TPCN2: variants seen among roughly 807,000 people sequenced by gnomAD.
TPCN2 encodes the protein two pore segment channel 2, also known as two pore channel protein 2.
A neutral mutation model predicts 111.4 loss-of-function variants in TPCN2; 92 were observed. The observed-to-expected ratio is 0.83, with a 90% CI of 0.70 to 0.98. The LOEUF is 0.98. TPCN2 is among the 50% of genes least tolerant of loss of function. The pLI is 0.00. For synonymous variants in TPCN2, 405 were observed against 414.5 expected (o/e 0.98, Z 0.28); for missense variants, 995 against 980.1 (o/e 1.02, Z -0.20).
chr11:69,080,042 TG>T (rs1467587477), intron 17 of TPCN2, among the ~76,000 whole-genome samples, 159 bp downstream of exon 17: 1 of 152,180 alleles, frequency 6.6e-6, no homozygotes, highest in Non-Finnish European at 1.5e-5. Context: ...CAGCAGAGGC[TG>T]TGTCGGGGCA....
chr11:69,058,621 G>C (rs1167451614), intron 5 of TPCN2, among the ~76,000 whole-genome samples: 1 of 152,190 alleles, frequency 6.6e-6, no homozygotes, highest in East Asian at 1.9e-4. Context: ...GCAGGACCTG[G>C]TGGGGAGTAG....
intron 17 of TPCN2, among the ~76,000 whole-genome samples, chr11:69,080,573 G>A (rs913224811): frequency 6.6e-6 from 1 of 152,202 alleles, no homozygotes; most frequent in African/African-American, 2.4e-5. Flanking sequence ...TGCCAGCCTC[G>A]GCCCTGTGGT....
At chr11:69,087,852 T>G (rs1249696541) in intron 24 of TPCN2, 23 bp from the exon 25 acceptor site, 1 of 1,602,486 alleles carries the variant, frequency 6.2e-7, no homozygotes, top group East Asian at 2.2e-5. Flanking sequence ...GGCCCCTGTG[T>G]GCATCTTTCC....
rs369631026 is a variant in TPCN2 at position 69,078,997 on chromosome 11, G to A, written c.1516G>A (p.Gly506Arg). 14 of 1,613,002 alleles carry A rather than the reference G, an allele frequency of 8.7e-6. No individual in the cohort carries two copies. In the African/African-American group the frequency reaches 1.5e-4, roughly 17 times the overall value. ...YLSYPSNVFD[G>R]LLTVVLLVLE... ...GTCCTACCCCAGCAACGTGTTTGAC[G>A]GGCTCCTCACCGTTGTCCTGCTGGT... The change falls in exon 16 of 25, where the codon GGG becomes AGG. Residue 506 changes from glycine to arginine, a missense_variant. Coordinates refer to ENST00000294309, the MANE Select transcript of TPCN2 (RefSeq NM_139075.4).
chr11:69,083,702 C>T (rs961097925), intron 18 of TPCN2, among the ~76,000 whole-genome samples: 2 of 151,896 alleles, frequency 1.3e-5, no homozygotes, highest in East Asian at 1.9e-4. Context: ...TGTGCGAATG[C>T]GTGTGGGTAG....
In TPCN2 at chr11:69,089,916, G is replaced by A. The variant is rs1405262275; in HGVS notation, c.*1963G>A. 6.6e-6 allele frequency: 1 copy of A among 151,930 alleles called. No individual in the cohort carries two copies. The highest frequency in any genetic ancestry group is 6.6e-5 in the Admixed American group (1 of 15,266). 9.4% of individuals were successfully genotyped at this position (151,930 alleles called of 1,614,324 possible). ...GGGAGCCCCTTCTTCTGCCTTTTGT[G>A]TTTTTTTTGTTATGTACCTACAGTT... On this transcript the variant is annotated 3_prime_UTR_variant, in exon 25 of 25. Coordinates refer to ENST00000294309, the MANE Select transcript of TPCN2 (RefSeq NM_139075.4).
chr11:69,087,937 T>G lies in TPCN2; in HGVS notation c.2243T>G (p.Leu748Arg). The change falls in exon 25 of 25, where the codon CTG (leucine) becomes CGG (arginine). Residue 748 changes from leucine (L) to arginine (R), a missense_variant. Leu to Arg is a moderately radical substitution (Grantham distance 102). Transcript: ENST00000294309. ...GAGAGGCTGAGCCAGCACCCGCACC[T>G]GTGGCTGTGCAGGTGACGTCCGGGC... ...LTERLSQHPH[L>R]WLCR is the part of the protein sequence containing the mutation. The G allele has an allele frequency of 6.2e-7, 1 of 1,610,276 alleles. No individual in the cohort carries two copies. The highest frequency in any genetic ancestry group is 8.5e-7 in the Non-Finnish European group (1 of 1,179,366).
chr11:69,063,589 G>A (rs1855122592), intron 6 of TPCN2, among the ~76,000 whole-genome samples: 2 of 152,108 alleles, frequency 1.3e-5, no homozygotes, highest in South Asian at 4.1e-4. Context: ...TCCAGCTCAG[G>A]TGGATGGAAG....
chr11:69,086,263 G>A (rs144393887), intron 22 of TPCN2, among the ~76,000 whole-genome samples: 13 of 152,300 alleles, frequency 8.5e-5, no homozygotes, highest in African/African-American at 2.9e-4. Flanking sequence ...AGCTTGAAGA[G>A]CTCAGACTGG....
At chr11:69,084,325 G>A (rs1334496270) in intron 19 of TPCN2, among the ~76,000 whole-genome samples, 1 of 152,196 alleles carries the variant, frequency 6.6e-6, no homozygotes, top group Admixed American at 6.5e-5. Flanking sequence ...GGATCTCGTT[G>A]AGAAAGTAAT....
At position 69,078,811 on chromosome 11, in the gene TPCN2, C is replaced by T. The variant is rs192965802; in HGVS notation, c.1410+18C>T. On this transcript the variant is annotated intron_variant, in intron 15 of 24. Transcript: ENST00000294309. ...TCCTGGGGGTAAGTTCTGAGCTGTC[C>T]ACCTGTCAGGGCCAGGGTGAGGCTG... 6.6e-5 allele frequency: 107 copies of T among 1,614,136 alleles called. No homozygotes were observed. Among genetic ancestry groups the T allele is most frequent in the Middle Eastern group, 4.9e-4 (3 of 6,062 alleles).
chr11:69,070,305 C>T (rs762684857), intron 8 of TPCN2, 125 bp from the exon 9 acceptor site: 32 of 728,536 alleles, frequency 4.4e-5, no homozygotes, highest in Non-Finnish European at 6.2e-5. Context: ...GGATTACAGG[C>T]GTGAGCCACC....
Position 69,078,602 on chromosome 11 carries a change from G to C in TPCN2, c.1350+1G>C. Reference sequence around the variant, plus strand: ...CCTGGCAAACCTGGTGTCCATTTGCGTGAGTGTGGATTTGCCCCAGAGCTG... The same window carrying C: ...CCTGGCAAACCTGGTGTCCATTTGCCTGAGTGTGGATTTGCCCCAGAGCTG... On this transcript the variant is annotated splice_donor_variant, in intron 14 of 24. Coordinates refer to ENST00000294309, the MANE Select transcript of TPCN2 (RefSeq NM_139075.4). LOFTEE classifies it high-confidence loss of function. The C allele has an allele frequency of 1.2e-6, 2 of 1,613,998 alleles. No homozygotes were observed. Among genetic ancestry groups the C allele is most frequent in the South Asian group, 1.1e-5 (1 of 91,086 alleles).
chr11:69,078,412 T>C, intron 13 of TPCN2, 70 bp from the exon 14 acceptor site: 12 of 1,592,770 alleles, frequency 7.5e-6, no homozygotes, highest in Non-Finnish European at 9.4e-6. Context: ...TAAGAGGGTG[T>C]GAGCATTTTT....
At chr11:69,072,883 G>A (rs767194131) in intron 12 of TPCN2, 32 bp from the exon 13 acceptor site, 9 of 1,582,866 alleles carry the variant, frequency 5.7e-6, no homozygotes, top group South Asian at 2.2e-5. Flanking sequence ...CTTCCCGTGC[G>A]CCCCTGCTGA....
At chr11:69,072,476 A>T (rs532321627) in intron 11 of TPCN2, 151 bp from the exon 12 acceptor site, 117 of 696,408 alleles carry the variant, frequency 1.7e-4, no homozygotes, top group Non-Finnish European at 2.5e-4. Context: ...CAGTGGCAGG[A>T]TGCTCGTTAC....
At position 69,052,538 on chromosome 11, in the gene TPCN2, G is replaced by A. The variant is rs117197680; in HGVS notation, c.110-1495G>A. On this transcript the variant is annotated intron_variant, in intron 1 of 24. Transcript: ENST00000294309. ...GGTGGGTCTCGTGGCTGTGCATGTG[G>A]GCACCAAAGCCACAGGGAGGGAAGG... 7.1e-3 allele frequency among the ~76,000 whole-genome samples: 1,077 copies of A among 152,180 alleles called. 6 individuals are homozygous for A. Among genetic ancestry groups the A allele is most frequent in the Non-Finnish European group, 0.012 (826 of 68,002 alleles).
At position 69,049,099 on chromosome 11, in the gene TPCN2, C is replaced by T; in HGVS notation, c.102C>T (p.Val34=). 8.1e-7 allele frequency: 1 copy of T among 1,241,666 alleles called. No homozygotes were observed. The highest frequency in any genetic ancestry group is 3.2e-5 in the East Asian group (1 of 31,672). 76.9% of individuals were successfully genotyped at this position (1,241,666 alleles called of 1,614,324 possible). Residue 34 remains valine, a synonymous_variant, in exon 1 of 25, where the codon GTC becomes GTT. Transcript: ENST00000294309. ...AGLTTYRSIQ[V]GPGAAARWDL... ...TGACCACTTACCGCAGCATCCAAGT[C>T]GGCCCTGGTGAGCCGCCCGGACCTG...
At chr11:69,072,067 T>C (rs377695766) in intron 11 of TPCN2, 44 bp downstream of exon 11, 2 of 1,539,036 alleles carry the variant, frequency 1.3e-6, no homozygotes, top group Non-Finnish European at 8.9e-7. Context: ...GGGTGGGTGC[T>C]GTGGCTGCTG....
Sources: allele counts gnomAD v4.1 joint callset (sites outside exome capture counted in the v4.1 genomes callset), GRCh38; gene constraint gnomAD v4.1.1; transcripts MANE v1.5; gene names NCBI Gene and HGNC (gene_info 2026-07-23, HGNC 2026-07-21).